The following JAZF1 variants were observed in gnomAD, a reference collection of about 807,000 sequenced individuals.
The protein encoded by JAZF1 is JAZF zinc finger 1.
In JAZF1, 8 loss-of-function variants were observed where a neutral mutation model predicts 26.4. The observed-to-expected ratio is 0.30, with a 90% confidence interval of 0.18 to 0.55. The LOEUF (loss-of-function observed/expected upper bound fraction) is 0.55, where lower values mean the gene tolerates loss of function less well. Among genes scored for constraint, JAZF1 ranks in the 20% least tolerant of loss-of-function variants. The pLI is 0.94. For missense variants in JAZF1, 199 were observed against 322.0 expected (o/e 0.62, Z 2.92); for synonymous variants, 126 against 122.3 (o/e 1.03, Z -0.20).
intron 2 of JAZF1, among the ~76,000 whole-genome samples, chr7:27,902,281 G>A (rs1336779153): frequency 1.3e-5 from 2 of 152,108 alleles, no homozygotes; most frequent in Non-Finnish European, 2.9e-5. Context: ...CTGGACTCAA[G>A]GACAAGACAT....
At chr7:27,997,563 G>C (rs1204565680) in intron 1 of JAZF1, among the ~76,000 whole-genome samples, 2 of 152,076 alleles carry the variant, frequency 1.3e-5, no homozygotes, top group East Asian at 3.9e-4. Flanking sequence ...GCTTTTTATT[G>C]CTGTGATATA....
chr7:27,959,843 T>C (rs1785160270), intron 2 of JAZF1, among the ~76,000 whole-genome samples: 2 of 151,388 alleles, frequency 1.3e-5, no homozygotes, highest in Admixed American at 1.3e-4. Flanking sequence ...GAGGTTGCAG[T>C]GAGCCGAGAT....
intron 3 of JAZF1, among the ~76,000 whole-genome samples, chr7:27,856,452 T>C (rs1484403377): frequency 6.6e-6 from 1 of 152,188 alleles, no homozygotes. Flanking sequence ...GAAAGGGACC[T>C]GAGCGGGTTG....
At position 28,177,101 on chromosome 7, in the gene JAZF1, C is replaced by T. The variant is rs189785079; in HGVS notation, c.115+3362G>A. Among the ~76,000 whole-genome samples, 386 of 152,194 alleles carry T rather than the reference C, an allele frequency of 2.5e-3. 1 individual carries two copies. Among genetic ancestry groups the T allele is most frequent in the Non-Finnish European group, 4.4e-3 (302 of 68,014 alleles). ...AAAGCACTTCACAGTTGCAGGGCTA[C>T]GGGATTTCTCGGCAATTTAAATTTA... On this transcript the variant is annotated intron_variant, in intron 1 of 4. Transcript: ENST00000283928.
At chr7:28,128,724 T>A (rs1005641346) in intron 1 of JAZF1, among the ~76,000 whole-genome samples, 9 of 152,212 alleles carry the variant, frequency 5.9e-5, no homozygotes, top group African/African-American at 2.2e-4. Context: ...TTATATTTGC[T>A]GAGTTTATAC....
rs112898411 is a variant in JAZF1, at chr7:28,038,292, T to C, written c.116-46311A>G. On this transcript the variant is annotated intron_variant, in intron 1 of 4. Coordinates refer to ENST00000283928, the MANE Select transcript of JAZF1 (RefSeq NM_175061.4). ...GGGATGGGGGAATGATTGTGGCAAA[T>C]AGCTTCTCACTGTGCTTGTATTAGC... is the stretch of plus-strand genomic sequence containing the variant. 8.6e-3 allele frequency among the ~76,000 whole-genome samples: 1,315 copies of C among 152,318 alleles called. 17 individuals are homozygous for C. The highest frequency in any genetic ancestry group is 0.03 in the African/African-American group (1,251 of 41,572).
chr7:27,978,900 G>A (rs1482584938), intron 2 of JAZF1, among the ~76,000 whole-genome samples: 1 of 151,616 alleles, frequency 6.6e-6, no homozygotes, highest in Non-Finnish European at 1.5e-5. Context: ...TGTTTTTTGG[G>A]GGGAGAAAGG....
chr7:28,149,972 G>A (rs1783085533), intron 1 of JAZF1, among the ~76,000 whole-genome samples: 1 of 152,198 alleles, frequency 6.6e-6, no homozygotes, highest in Non-Finnish European at 1.5e-5. Context: ...TCTGCAAGAA[G>A]GTTTTACCTT....
chr7:28,093,894 G>A (rs547352199), intron 1 of JAZF1, among the ~76,000 whole-genome samples: 6 of 152,326 alleles, frequency 3.9e-5, no homozygotes, highest in Admixed American at 1.3e-4. Context: ...AAAAGTAAGG[G>A]TGTGGGTGGG....
intron 2 of JAZF1, among the ~76,000 whole-genome samples, chr7:27,966,765 AG>A (rs1785283255): frequency 6.6e-6 from 1 of 152,232 alleles, no homozygotes; most frequent in South Asian, 2.1e-4. Flanking sequence ...GGAACTCTCA[AG>A]GGGTAATTTT....
At chr7:28,114,191 C>T (rs1257023590) in intron 1 of JAZF1, among the ~76,000 whole-genome samples, 2 of 152,182 alleles carry the variant, frequency 1.3e-5, no homozygotes, top group South Asian at 2.1e-4. Flanking sequence ...ATTATTCCAG[C>T]TCACTGCCTC....
chr7:27,833,083 A>AAAAC lies in JAZF1; in HGVS notation c.556-108_556-107insGTTT, dbSNP rs1491434077. 43 of 830,154 alleles carry AAAAC rather than the reference A, an allele frequency of 5.2e-5. No homozygotes were observed. In the African/African-American group the frequency reaches 7.2e-4, roughly 14 times the overall value. 51.4% of individuals were successfully genotyped at this position (830,154 alleles called of 1,614,324 possible). ...TGCAGTTCCTGGATGGCAGCTGTTT[A>AAAAC]GAGTGTAGTCTTTTGCAAGGACTCC... On this transcript the variant is annotated intron_variant, in intron 4 of 4. Coordinates refer to ENST00000283928, the MANE Select transcript of JAZF1 (RefSeq NM_175061.4).
chr7:28,082,030 T>C (rs540716042), intron 1 of JAZF1, among the ~76,000 whole-genome samples: 7 of 152,214 alleles, frequency 4.6e-5, no homozygotes, highest in Non-Finnish European at 1.0e-4. Context: ...CTAAAAATGC[T>C]ACATTCTGCG....
At chr7:28,023,842 T>C (rs1478200069) in intron 1 of JAZF1, among the ~76,000 whole-genome samples, 3 of 152,186 alleles carry the variant, frequency 2.0e-5, no homozygotes, top group Non-Finnish European at 2.9e-5. Flanking sequence ...TAAGGACTTA[T>C]AGATGCTATA....
rs141000194 is a variant in JAZF1 at position 27,991,020 on chromosome 7, T to C, written c.188+889A>G. 5.1e-3 allele frequency among the ~76,000 whole-genome samples: 773 copies of C among 152,282 alleles called. 10 individuals carry two copies. Among genetic ancestry groups the C allele is most frequent in the South Asian group, 0.012 (58 of 4,826 alleles). Reference sequence around the variant, plus strand: ...AACAGGTGTCTCTAATTCACAGCACTATCTGGGCAAGAATCAATTAAGTTT... The same window carrying C: ...AACAGGTGTCTCTAATTCACAGCACCATCTGGGCAAGAATCAATTAAGTTT... On this transcript the variant is annotated intron_variant, in intron 2 of 4. Transcript: ENST00000283928.
At chr7:27,995,393 A>G (rs2128366242) in intron 1 of JAZF1, among the ~76,000 whole-genome samples, 1 of 152,258 alleles carries the variant, frequency 6.6e-6, no homozygotes, top group South Asian at 2.1e-4. Flanking sequence ...ACATTCGACC[A>G]CTTTCATATC....
chr7:28,179,780 C>T (rs1783607934), intron 1 of JAZF1, among the ~76,000 whole-genome samples: 3 of 147,836 alleles, frequency 2.0e-5, no homozygotes, highest in Admixed American at 2.0e-4. Flanking sequence ...GCAAGCTCCC[C>T]GGCCCCCGCC....
intron 1 of JAZF1, among the ~76,000 whole-genome samples, chr7:28,163,601 C>G (rs1783324017): frequency 1.3e-5 from 2 of 152,186 alleles, no homozygotes; most frequent in South Asian, 4.1e-4. Flanking sequence ...GGGGTCATCC[C>G]TAACCAAACA....
chr7:27,907,957 C>A (rs1784291552), intron 2 of JAZF1, among the ~76,000 whole-genome samples: 1 of 152,150 alleles, frequency 6.6e-6, no homozygotes, highest in Non-Finnish European at 1.5e-5. Flanking sequence ...AAAGTCTGTG[C>A]CATCGTGGAC....
Sources: allele counts gnomAD v4.1 joint callset (sites outside exome capture counted in the v4.1 genomes callset), GRCh38; gene constraint gnomAD v4.1.1; transcripts MANE v1.5; gene names NCBI Gene and HGNC (gene_info 2026-07-23, HGNC 2026-07-21).